The following ITGA4 variants were observed in gnomAD, a reference collection of about 807,000 sequenced individuals.
The protein encoded by ITGA4 is integrin subunit alpha 4, also known as integrin alpha-4.
In ITGA4, 63 loss-of-function variants were observed where a neutral mutation model predicts 133.6. The ratio of observed to expected loss-of-function variants is 0.47; its 90% confidence interval spans 0.38 to 0.58. The LOEUF (loss-of-function observed/expected upper bound fraction) is 0.58. Among genes scored for constraint, ITGA4 ranks in the 20% least tolerant of loss-of-function variants. The pLI is 0.00. For missense variants in ITGA4, 1,076 were observed against 1,252.7 expected, an observed-to-expected ratio of 0.86 and a Z score of 2.13; for synonymous variants, 483 against 438.0, an observed-to-expected ratio of 1.10 and a Z score of -1.28.
At chr2:181,511,974 G>A (rs1203597889) in intron 17 of ITGA4, among the ~76,000 whole-genome samples, 199 bp downstream of exon 17, 1 of 151,988 alleles carries the variant, frequency 6.6e-6, no homozygotes, top group Non-Finnish European at 1.5e-5. Flanking sequence ...ATCCAAGTAT[G>A]ACAAATTTAA....
chr2:181,488,684 G>A (rs866147514), intron 10 of ITGA4, among the ~76,000 whole-genome samples: 4 of 151,820 alleles, frequency 2.6e-5, no homozygotes, highest in Admixed American at 1.3e-4. Flanking sequence ...TCAGCCTCCC[G>A]AGTAGCTGGG....
At chr2:181,478,138 G>A (rs1189984699) in intron 4 of ITGA4, among the ~76,000 whole-genome samples, 2 of 152,070 alleles carry the variant, frequency 1.3e-5, no homozygotes, top group African/African-American at 4.8e-5. Flanking sequence ...GACAAATACT[G>A]TATGATCTCA....
intron 2 of ITGA4, among the ~76,000 whole-genome samples, chr2:181,459,559 A>G (rs1025784408): frequency 7.2e-5 from 11 of 152,352 alleles, no homozygotes; most frequent in Middle Eastern, 3.4e-3. Context: ...CAGAGCACCT[A>G]TAAAAGTCTA....
At position 181,485,819 on chromosome 2, in the gene ITGA4, T is replaced by C; in HGVS notation, c.1042-62T>C. The C allele has an allele frequency of 2.9e-6, 4 of 1,370,026 alleles. 1 individual carries two copies. Among genetic ancestry groups the C allele is most frequent in the Non-Finnish European group, 4.1e-6 (4 of 980,880 alleles). The allele number at this position is 1,370,026 out of a possible 1,614,324, so 84.9% of individuals were successfully genotyped here. On this transcript the variant is annotated intron_variant, in intron 9 of 27. Coordinates refer to ENST00000397033, the MANE Select transcript of ITGA4 (RefSeq NM_000885.6). ...AAAAATCCATATCCAATTACAACAG[T>C]AAATCGTGTAAAGTTGTCAGGGAGT...
intron 9 of ITGA4, among the ~76,000 whole-genome samples, chr2:181,483,121 CATTA>C (rs1215276813): frequency 6.6e-6 from 1 of 152,048 alleles, no homozygotes; most frequent in Non-Finnish European, 1.5e-5. Context: ...TTTGTTAAAA[CATTA>C]ATTTTCATAA....
At position 181,538,185 on chromosome 2, in the gene ITGA4, T is replaced by C; in HGVS notation, c.*2658T>C. 1 of 1,563,700 alleles carries C rather than the reference T, an allele frequency of 6.4e-7. No homozygotes were observed. Among genetic ancestry groups the C allele is most frequent in the South Asian group, 1.1e-5 (1 of 89,964 alleles). ...ATTTCTTTTAGAAACAATTACATGT[T>C]ACTTTGGAATCATTTCTTCCATGCT... On this transcript the variant is annotated 3_prime_UTR_variant, in exon 28 of 28. Transcript: ENST00000397033.
At chr2:181,469,809 A>G (rs910912713) in intron 2 of ITGA4, among the ~76,000 whole-genome samples, 7 of 152,182 alleles carry the variant, frequency 4.6e-5, no homozygotes, top group African/African-American at 1.7e-4. Flanking sequence ...GTAAACTATC[A>G]CAAGAACAAA....
chr2:181,513,236 C>G (rs1686540654), intron 17 of ITGA4, among the ~76,000 whole-genome samples: 1 of 152,028 alleles, frequency 6.6e-6, no homozygotes, highest in African/African-American at 2.4e-5. Context: ...AACTGGCATG[C>G]CTACACTGCT....
chr2:181,530,405 C>A, intron 23 of ITGA4, 119 bp from the exon 24 acceptor site: 1 of 885,098 alleles, frequency 1.1e-6, no homozygotes, highest in Non-Finnish European at 1.7e-6. Context: ...TCTACAATTT[C>A]AGAGGTACTT....
In ITGA4 at chr2:181,469,238, G is replaced by A. The variant is rs545117800; in HGVS notation, c.320-5722G>A. On this transcript the variant is annotated intron_variant, in intron 2 of 27. Transcript: ENST00000397033. ...ATATTTCAATAGGTAACTAAACAAA[G>A]GGGGAACAAAGGATATTACTTTTAT... 5.3e-5 allele frequency among the ~76,000 whole-genome samples: 8 copies of A among 152,230 alleles called. No homozygotes were observed. The South Asian group carries it at 1.7e-3, about 32-fold the overall frequency.
At chr2:181,464,735 C>G (rs1044978102) in intron 2 of ITGA4, among the ~76,000 whole-genome samples, 1 of 152,040 alleles carries the variant, frequency 6.6e-6, no homozygotes, top group East Asian at 1.9e-4. Flanking sequence ...TCTAGGTCCG[C>G]CTTGGGTTCC....
At chr2:181,488,103 C>G (rs1685961984) in intron 10 of ITGA4, among the ~76,000 whole-genome samples, 1 of 152,166 alleles carries the variant, frequency 6.6e-6, no homozygotes, top group Admixed American at 6.5e-5. Context: ...TTTGTGGCAT[C>G]AAAATGTCAA....
At chr2:181,526,276 T>G (rs933257320) in intron 21 of ITGA4, among the ~76,000 whole-genome samples, 1 of 152,224 alleles carries the variant, frequency 6.6e-6, no homozygotes, top group Non-Finnish European at 1.5e-5. Flanking sequence ...TTCCTATTTT[T>G]CTGTTATTCA....
intron 2 of ITGA4, 136 bp downstream of exon 2, chr2:181,458,453 C>A: frequency 1.0e-6 from 1 of 955,380 alleles, no homozygotes; most frequent in Non-Finnish European, 1.6e-6. Flanking sequence ...GTTTCAACTC[C>A]ATCTCATCTT....
intron 10 of ITGA4, 46 bp from the exon 11 acceptor site, chr2:181,493,279 C>G: frequency 7.4e-7 from 1 of 1,343,452 alleles, no homozygotes; most frequent in African/African-American, 1.5e-5. Context: ...AAGTTGCATT[C>G]TTTGTATCAA....
intron 17 of ITGA4, among the ~76,000 whole-genome samples, chr2:181,513,181 A>G (rs1386689153): frequency 6.6e-6 from 1 of 151,906 alleles, no homozygotes; most frequent in Non-Finnish European, 1.5e-5. Context: ...CCTTTCTCTC[A>G]CTACCACATT....
At chr2:181,526,792 A>T (rs556830965) in intron 21 of ITGA4, among the ~76,000 whole-genome samples, 5 of 133,588 alleles carry the variant, frequency 3.7e-5, no homozygotes, top group African/African-American at 1.4e-4. Flanking sequence ...TGAGGGACAG[A>T]TATTGTCACC....
At position 181,511,683 on chromosome 2, in the gene ITGA4, GT is replaced by G. The variant is rs1351518881; in HGVS notation, c.1846-15del. On this transcript the variant is annotated splice_polypyrimidine_tract_variant and intron_variant, in intron 16 of 27. Transcript: ENST00000397033. Reference sequence around the variant, plus strand: ...TGATTAAATCAAAATAAAAAACGTTGTCTTTTTATTTCCAGATAAACTTTGC... The same window carrying G: ...TGATTAAATCAAAATAAAAAACGTTGCTTTTTATTTCCAGATAAACTTTGC... 1.1e-5 allele frequency: 15 copies of G among 1,420,306 alleles called. No individual in the cohort carries two copies. The highest frequency in any genetic ancestry group is 2.8e-5 in the African/African-American group (2 of 70,474). 88.0% of individuals were successfully genotyped at this position (1,420,306 alleles called of 1,614,324 possible).
chr2:181,501,261 A>G (rs537266117), intron 15 of ITGA4, among the ~76,000 whole-genome samples: 36 of 152,266 alleles, frequency 2.4e-4, no homozygotes, highest in African/African-American at 8.2e-4. Context: ...GGTTCAGGAG[A>G]AGAGTATTCC....
Sources: allele counts gnomAD v4.1 joint callset (sites outside exome capture counted in the v4.1 genomes callset), GRCh38; gene constraint gnomAD v4.1.1; transcripts MANE v1.5; gene names NCBI Gene and HGNC (gene_info 2026-07-23, HGNC 2026-07-21).